Variants in CDYL observed in about 807,000 individuals in gnomAD.
CDYL encodes the protein chromodomain Y like.
In CDYL, 8 loss-of-function variants were observed where a neutral mutation model predicts 47.3. That is an observed-to-expected ratio of 0.17 (90% confidence interval 0.10 to 0.31). CDYL has a LOEUF of 0.31. CDYL is among the 10% of genes least tolerant of loss of function. CDYL has a pLI of 1.00. For synonymous variants in CDYL, 266 were observed against 265.0 expected, an observed-to-expected ratio of 1.00 and a Z score of -0.04; for missense variants, 471 against 701.4, an observed-to-expected ratio of 0.67 and a Z score of 3.71.
chr6:4,756,058 T>C (rs1758068780), intron 3 of CDYL, among the ~76,000 whole-genome samples: 1 of 152,162 alleles, frequency 6.6e-6, no homozygotes, highest in African/African-American at 2.4e-5. Flanking sequence ...CTGATTTTCC[T>C]TTCTTCCTTC....
chr6:4,716,137 A>G (rs1757256316), intron 2 of CDYL, among the ~76,000 whole-genome samples: 2 of 151,418 alleles, frequency 1.3e-5, no homozygotes, highest in African/African-American at 4.9e-5. Flanking sequence ...AGTCCCAGCT[A>G]CTCGGGAGGC....
chr6:4,735,171 A>T (rs1246915482), intron 3 of CDYL, among the ~76,000 whole-genome samples: 2 of 152,114 alleles, frequency 1.3e-5, no homozygotes, highest in Non-Finnish European at 2.9e-5. Context: ...CTGTAATCCC[A>T]GCTACTTAGG....
rs540723444 is a variant in CDYL at position 4,725,504 on chromosome 6, C to A, written c.104-9258C>A. On this transcript the variant is annotated intron_variant, in intron 2 of 8. Coordinates refer to the CDYL transcript ENST00000328908. ...GGAGGCCTGGGGAGGCAGCTAAGGC[C>A]CGGCGAGAAGTCGAGCACAGCAGCT... Among the ~76,000 whole-genome samples the A allele has an allele frequency of 1.7e-3, 259 of 152,352 alleles. 1 individual carries two copies. The highest frequency in any genetic ancestry group is 2.7e-3 in the South Asian group (13 of 4,832).
intron 1 of CDYL, among the ~76,000 whole-genome samples, chr6:4,837,527 C>T (rs541810105): frequency 3.0e-3 from 408 of 137,536 alleles, no homozygotes; most frequent in African/African-American, 6.3e-3. Context: ...TGCAGTGGCA[C>T]GATCTTGGCT....
intron 2 of CDYL, among the ~76,000 whole-genome samples, chr6:4,905,632 G>A (rs1757212114): frequency 6.6e-6 from 1 of 152,162 alleles, no homozygotes; most frequent in Non-Finnish European, 1.5e-5. Flanking sequence ...TGACTGCCTG[G>A]GTCAGAGCCG....
intron 1 of CDYL, among the ~76,000 whole-genome samples, chr6:4,809,088 CTCT>C (rs1490051489): frequency 6.6e-6 from 1 of 152,120 alleles, no homozygotes; most frequent in Non-Finnish European, 1.5e-5. Flanking sequence ...GGTGACCAGT[CTCT>C]TTAGTTTCTA....
chr6:4,817,787 T>C (rs1232944410), intron 1 of CDYL, among the ~76,000 whole-genome samples: 2 of 152,224 alleles, frequency 1.3e-5, no homozygotes, highest in African/African-American at 4.8e-5. Flanking sequence ...CAGAATTAGA[T>C]GAATTTGTCT....
intron 5 of CDYL, 118 bp downstream of exon 5, chr6:4,943,874 A>T (rs1758436006): frequency 1.4e-6 from 1 of 736,766 alleles, no homozygotes; most frequent in Non-Finnish European, 2.1e-6. Context: ...GGGACTTTCC[A>T]TCTTGTAATT....
At chr6:4,829,943 C>G (rs1031824990) in intron 1 of CDYL, among the ~76,000 whole-genome samples, 11 of 152,244 alleles carry the variant, frequency 7.2e-5, no homozygotes, top group African/African-American at 2.4e-4. Context: ...TTTGAAGTTG[C>G]TAGCTTCTTG....
intron 2 of CDYL, among the ~76,000 whole-genome samples, chr6:4,727,005 C>G (rs1158906796): frequency 1.3e-5 from 2 of 152,154 alleles, no homozygotes; most frequent in Non-Finnish European, 2.9e-5. Context: ...CCCTCAAACT[C>G]TCTACCTTAC....
At chr6:4,950,075 G>A (rs572775243) in intron 5 of CDYL, among the ~76,000 whole-genome samples, 30 of 152,290 alleles carry the variant, frequency 2.0e-4, no homozygotes, top group East Asian at 5.8e-4. Context: ...GAGAAGGGCC[G>A]TTCTCGGCTG....
intron 3 of CDYL, among the ~76,000 whole-genome samples, chr6:4,741,385 A>G (rs1029531718): frequency 2.6e-5 from 4 of 152,368 alleles, no homozygotes; most frequent in African/African-American, 9.6e-5. Flanking sequence ...GCAAAAGACA[A>G]AGGCATATAT....
intron 5 of CDYL, among the ~76,000 whole-genome samples, chr6:4,944,305 A>AT (rs1724510900): frequency 6.6e-6 from 1 of 152,218 alleles, no homozygotes; most frequent in African/African-American, 2.4e-5. Context: ...AGACACTGAG[A>AT]TGAGTTTGGC....
At position 4,749,367 on chromosome 6, in the gene CDYL, G is replaced by T. The variant is rs199742641; in HGVS notation, c.186+14523G>T. Among the ~76,000 whole-genome samples, 24 of 148,032 alleles carry T rather than the reference G, an allele frequency of 1.6e-4. 1 individual carries two copies. The South Asian group carries it at 2.8e-3, about 18-fold the overall frequency. On this transcript the variant is annotated intron_variant, in intron 3 of 8. Transcript: ENST00000328908. ...TGGATATGAGATAGATGGATGGATGGATGAATGGATATGTGATGGATAGAT... is the reference window on the plus strand; with the variant it reads ...TGGATATGAGATAGATGGATGGATGTATGAATGGATATGTGATGGATAGAT...
intron 2 of CDYL, among the ~76,000 whole-genome samples, chr6:4,910,822 C>G (rs1053964974): frequency 5.3e-5 from 8 of 151,094 alleles, no homozygotes; most frequent in Non-Finnish European, 8.8e-5. Context: ...TAGACCTTAC[C>G]TGAGAAAGGA....
chr6:4,941,007 G>A (rs35924874), intron 4 of CDYL, among the ~76,000 whole-genome samples: 15,464 of 152,258 alleles, frequency 0.1, 971 homozygotes, highest in South Asian at 0.16. Context: ...TGATTTTCCA[G>A]CTGTTTGATA....
intron 2 of CDYL, among the ~76,000 whole-genome samples, chr6:4,923,403 C>CT (rs950155552): frequency 6.6e-6 from 1 of 152,152 alleles, no homozygotes; most frequent in African/African-American, 2.4e-5. Flanking sequence ...GGATTTCACT[C>CT]TTTTTTTAAG....
chr6:4,883,328 TC>T (rs1455476553), intron 1 of CDYL, among the ~76,000 whole-genome samples: 1 of 152,158 alleles, frequency 6.6e-6, no homozygotes, highest in Non-Finnish European at 1.5e-5. Flanking sequence ...GGTGTGGTTC[TC>T]CCAGATTTTT....
intron 6 of CDYL, 75 bp from the exon 7 acceptor site, chr6:4,953,823 G>A (rs1235812107): frequency 1.2e-5 from 17 of 1,373,700 alleles, no homozygotes; most frequent in Admixed American, 4.2e-5. Context: ...GATTGCCTCC[G>A]TAAATGTGGA....
Sources: allele counts gnomAD v4.1 joint callset (sites outside exome capture counted in the v4.1 genomes callset), GRCh38; gene constraint gnomAD v4.1.1; transcripts MANE v1.5; gene names NCBI Gene and HGNC (gene_info 2026-07-23, HGNC 2026-07-21).